Variants in KCNIP4 observed in about 807,000 individuals in gnomAD.
KCNIP4 encodes Kv channel-interacting protein 4.
A neutral mutation model predicts 34.0 loss-of-function variants in KCNIP4; 12 were observed. The ratio of observed to expected loss-of-function variants is 0.35; its 90% confidence interval spans 0.23 to 0.57. The LOEUF is 0.57. Ranked by LOEUF, KCNIP4 falls within the 20% of genes least tolerant of loss-of-function variation. The pLI, the probability that KCNIP4 is intolerant of heterozygous loss-of-function variation, is 0.83. For synonymous variants in KCNIP4, 124 were observed against 102.2 expected (o/e 1.21, Z -1.29); for missense variants, 238 against 311.7 (o/e 0.76, Z 1.78).
At chr4:21,347,106 C>T (rs185320962) in intron 1 of KCNIP4, among the ~76,000 whole-genome samples, 1 of 151,990 alleles carries the variant, frequency 6.6e-6, no homozygotes, top group African/African-American at 2.4e-5. Flanking sequence ...TAGACTGAGC[C>T]CAATAAAGAG....
chr4:21,935,906 A>G (rs1729835995), intron 1 of KCNIP4, among the ~76,000 whole-genome samples: 1 of 151,932 alleles, frequency 6.6e-6, no homozygotes. Flanking sequence ...AGATTTGAGT[A>G]CATTTTCATA....
intron 1 of KCNIP4, among the ~76,000 whole-genome samples, chr4:21,100,033 G>C (rs1032873938): frequency 6.6e-6 from 1 of 152,254 alleles, no homozygotes; most frequent in African/African-American, 2.4e-5. Flanking sequence ...TCTTGAGATG[G>C]AATCTACCTC....
At chr4:20,833,629 C>A (rs1319741932) in intron 3 of KCNIP4, among the ~76,000 whole-genome samples, 2 of 152,110 alleles carry the variant, frequency 1.3e-5, no homozygotes, top group African/African-American at 4.8e-5. Flanking sequence ...GTATTTCATA[C>A]CATACAAATT....
chr4:21,670,061 G>GT (rs745376189), intron 1 of KCNIP4, among the ~76,000 whole-genome samples: 1 of 151,944 alleles, frequency 6.6e-6, no homozygotes, highest in African/African-American at 2.4e-5. Flanking sequence ...ATATTTGTTA[G>GT]TTTTTTATAT....
chr4:21,406,640 G>A (rs188828010), intron 1 of KCNIP4, among the ~76,000 whole-genome samples: 2 of 152,316 alleles, frequency 1.3e-5, no homozygotes, highest in African/African-American at 2.4e-5. Context: ...AAGCGCTGAT[G>A]TAATTGAGTT....
At chr4:21,827,946 A>G (rs1210792707) in intron 1 of KCNIP4, among the ~76,000 whole-genome samples, 1 of 151,436 alleles carries the variant, frequency 6.6e-6, no homozygotes, top group Non-Finnish European at 1.5e-5. Flanking sequence ...TTTCTCATAT[A>G]CAAAATTTTG....
At chr4:21,858,302 G>A (rs539563494) in intron 1 of KCNIP4, among the ~76,000 whole-genome samples, 37 of 152,234 alleles carry the variant, frequency 2.4e-4, no homozygotes, top group Non-Finnish European at 4.7e-4. Flanking sequence ...TTTTGTCACG[G>A]TCACTTCTAT....
chr4:21,084,288 TC>T (rs1746236977), intron 1 of KCNIP4, among the ~76,000 whole-genome samples: 1 of 149,856 alleles, frequency 6.7e-6, no homozygotes, highest in South Asian at 2.1e-4. Flanking sequence ...CGTGGACTGC[TC>T]TCAGGGCGCA....
chr4:21,414,635 T>C (rs1724789578), intron 1 of KCNIP4, among the ~76,000 whole-genome samples: 1 of 152,186 alleles, frequency 6.6e-6, no homozygotes, highest in African/African-American at 2.4e-5. Flanking sequence ...AGCACTCCCA[T>C]GTTCATTGCA....
Position 21,080,346 on chromosome 4 carries a change from G to A in KCNIP4, c.62-197637C>T, listed in dbSNP as rs1056472647. On this transcript the variant is annotated intron_variant, in intron 1 of 8. Transcript: ENST00000382152. The stretch of plus-strand genomic sequence containing the variant: ...GGCACATAACAAACACTATAGAAGT[G>A]TACGCTAATATTTTCATTATTATGC... Among the ~76,000 whole-genome samples the A allele has an allele frequency of 6.6e-5, 10 of 151,964 alleles. No homozygotes were observed. The East Asian group carries it at 1.9e-3, about 29-fold the overall frequency.
intron 1 of KCNIP4, among the ~76,000 whole-genome samples, chr4:21,332,819 T>C (rs1224923662): frequency 6.6e-6 from 1 of 152,126 alleles, no homozygotes; most frequent in African/African-American, 2.4e-5. Flanking sequence ...GTGTACTATA[T>C]CATACTGTTC....
rs763369510 is a variant in KCNIP4 at position 21,533,583 on chromosome 4, T to C, written c.61+414988A>G. Among the ~76,000 whole-genome samples the C allele has an allele frequency of 7.4e-4, 112 of 152,290 alleles. 1 individual carries two copies. Among genetic ancestry groups the C allele is most frequent in the Non-Finnish European group, 1.2e-3 (84 of 68,020 alleles). ...AGGATACCTTTCTGGAGAATAGCCA[T>C]GTTGATTTTAAACTAACAGAAATTT... On this transcript the variant is annotated intron_variant, in intron 1 of 8. Transcript: ENST00000382152.
At chr4:21,104,927 G>A (rs535722748) in intron 1 of KCNIP4, among the ~76,000 whole-genome samples, 1 of 151,660 alleles carries the variant, frequency 6.6e-6, no homozygotes, top group South Asian at 2.1e-4. Flanking sequence ...TTCTTTCTGA[G>A]GACTCTGTTC....
intron 2 of KCNIP4, among the ~76,000 whole-genome samples, chr4:20,853,105 T>C (rs990641764): frequency 2.0e-5 from 3 of 152,162 alleles, no homozygotes; most frequent in Non-Finnish European, 4.4e-5. Context: ...ATACCATGAT[T>C]ATTCTTCACA....
At chr4:21,626,646 T>A (rs1394134) in intron 1 of KCNIP4, among the ~76,000 whole-genome samples, 6,431 of 152,114 alleles carry the variant, frequency 0.042, 188 homozygotes, top group African/African-American at 0.082. Flanking sequence ...AACTACCCCA[T>A]CTCACTCAAA....
At chr4:21,555,036 C>T (rs538816932) in intron 1 of KCNIP4, among the ~76,000 whole-genome samples, 8 of 152,238 alleles carry the variant, frequency 5.3e-5, no homozygotes, top group African/African-American at 1.4e-4. Context: ...ATTACATTAG[C>T]ATCAGGACAC....
chr4:21,245,134 T>C (rs1760108041), intron 1 of KCNIP4, among the ~76,000 whole-genome samples: 1 of 152,218 alleles, frequency 6.6e-6, no homozygotes, highest in Non-Finnish European at 1.5e-5. Context: ...CTGCATTCTT[T>C]AGCTTAGCTT....
At chr4:21,196,111 T>C (rs1220678457) in intron 1 of KCNIP4, among the ~76,000 whole-genome samples, 1 of 152,234 alleles carries the variant, frequency 6.6e-6, no homozygotes, top group East Asian at 1.9e-4. Flanking sequence ...TAAAGTAGTA[T>C]ACAGTATTAC....
chr4:21,352,997 G>C (rs1228923831), intron 1 of KCNIP4, among the ~76,000 whole-genome samples: 1 of 152,194 alleles, frequency 6.6e-6, no homozygotes, highest in Non-Finnish European at 1.5e-5. Context: ...GTGATACCCA[G>C]GCAAACAGGG....
Sources: gnomAD v4.1 joint callset for allele counts (sites outside exome capture counted in the v4.1 genomes callset) on GRCh38, gnomAD v4.1.1 for gene constraint, MANE v1.5 for transcripts, NCBI Gene and HGNC (gene_info 2026-07-23, HGNC 2026-07-21) for gene names.